The following SCHIP1 variants were observed in gnomAD, a reference collection of about 807,000 sequenced individuals.
SCHIP1 encodes the protein schwannomin interacting protein 1, also known as schwannomin-interacting protein 1.
A neutral mutation model predicts 29.7 loss-of-function variants in SCHIP1; 8 were observed. The ratio of observed to expected loss-of-function variants is 0.27; its 90% CI spans 0.16 to 0.49. The LOEUF is 0.49. Among genes scored for constraint, SCHIP1 ranks in the 20% least tolerant of loss-of-function variants. The pLI is 0.99. For synonymous variants in SCHIP1, 76 were observed against 94.9 expected (o/e 0.80, Z 1.16); for missense variants, 193 against 294.6 (o/e 0.66, Z 2.52).
chr3:159,680,599 ATATATAT>A, the SCHIP1 span, among the ~76,000 whole-genome samples: 1 of 97,362 alleles, frequency 1.0e-5, no homozygotes, highest in African/African-American at 5.1e-5. Context: ...TATATGTATA[ATATATAT>A]TATATATGTA....
chr3:159,446,855 G>A, the SCHIP1 span, among the ~76,000 whole-genome samples: 5 of 152,280 alleles, frequency 3.3e-5, no homozygotes, highest in South Asian at 1.0e-3. Context: ...AAAGTAAGGT[G>A]ACCTGTTATT....
chr3:159,544,257 T>TA, the SCHIP1 span, among the ~76,000 whole-genome samples: 2 of 152,108 alleles, frequency 1.3e-5, no homozygotes, highest in African/African-American at 2.4e-5. Flanking sequence ...GTAATCTTTT[T>TA]AAAATTTTTA....
the SCHIP1 span, among the ~76,000 whole-genome samples, chr3:159,380,526 A>T: frequency 3.3e-5 from 5 of 152,194 alleles, no homozygotes; most frequent in Admixed American, 2.0e-4. Context: ...TTATACTAGT[A>T]CCATTATTAT....
chr3:159,681,049 G>C, the SCHIP1 span, among the ~76,000 whole-genome samples: 2 of 151,932 alleles, frequency 1.3e-5, no homozygotes, highest in Non-Finnish European at 2.9e-5. Context: ...TGTATATCAA[G>C]AATTGGCTAC....
At chr3:159,701,620 C>T in the SCHIP1 span, among the ~76,000 whole-genome samples, 1 of 151,928 alleles carries the variant, frequency 6.6e-6, no homozygotes, top group Non-Finnish European at 1.5e-5. Flanking sequence ...TATATATTTT[C>T]TATATGATCT....
the SCHIP1 span, among the ~76,000 whole-genome samples, chr3:159,362,237 ACT>A: frequency 1.3e-5 from 2 of 152,144 alleles, no homozygotes; most frequent in African/African-American, 2.4e-5. Context: ...AGAGTGGCCA[ACT>A]CTGTCAAATG....
chr3:159,299,400 G>C, the SCHIP1 span, among the ~76,000 whole-genome samples: 1 of 152,126 alleles, frequency 6.6e-6, no homozygotes, highest in African/African-American at 2.4e-5. Context: ...ATTTACGACA[G>C]ACCCAGCCTC....
At chr3:159,615,943 T>G in the SCHIP1 span, among the ~76,000 whole-genome samples, 6 of 152,210 alleles carry the variant, frequency 3.9e-5, no homozygotes, top group Non-Finnish European at 7.3e-5. Flanking sequence ...TTTACTAGGA[T>G]GTAGCTTTCT....
chr3:159,839,126 G>T (rs944593114), upstream of SCHIP1, among the ~76,000 whole-genome samples: 1 of 151,868 alleles, frequency 6.6e-6, no homozygotes, highest in Non-Finnish European at 1.5e-5. Flanking sequence ...CCAGAAACAT[G>T]TATTGTCTGA....
the SCHIP1 span, among the ~76,000 whole-genome samples, chr3:159,416,072 C>T: frequency 6.6e-6 from 1 of 152,206 alleles, no homozygotes; most frequent in African/African-American, 2.4e-5. Context: ...CATAATCTAG[C>T]CCCTCCTATC....
the SCHIP1 span, among the ~76,000 whole-genome samples, chr3:159,672,008 G>A: frequency 8.1e-4 from 124 of 152,212 alleles, 1 homozygote; most frequent in South Asian, 0.02. Flanking sequence ...CATGAAAATC[G>A]CTCAAAACAA....
At chr3:159,376,970 C>T in the SCHIP1 span, among the ~76,000 whole-genome samples, 6 of 152,210 alleles carry the variant, frequency 3.9e-5, no homozygotes, top group African/African-American at 1.4e-4. Flanking sequence ...ATTTTGTAAG[C>T]TTGGATTCTC....
the SCHIP1 span, among the ~76,000 whole-genome samples, chr3:159,481,517 TA>T: frequency 6.6e-6 from 1 of 151,990 alleles, no homozygotes; most frequent in Non-Finnish European, 1.5e-5. Flanking sequence ...GGACTTACAC[TA>T]AAAAAAAGTT....
the SCHIP1 span, among the ~76,000 whole-genome samples, chr3:159,715,370 G>T: frequency 6.6e-6 from 1 of 152,204 alleles, no homozygotes; most frequent in Non-Finnish European, 1.5e-5. Context: ...CTCCTCAGCA[G>T]CAACAGAACA....
chr3:159,652,139 T>C, the SCHIP1 span, among the ~76,000 whole-genome samples: 1 of 152,152 alleles, frequency 6.6e-6, no homozygotes, highest in Non-Finnish European at 1.5e-5. Context: ...GCTTTTGCTA[T>C]ATTTGGCTCA....
chr3:159,570,479 C>A, the SCHIP1 span, among the ~76,000 whole-genome samples: 1 of 152,034 alleles, frequency 6.6e-6, no homozygotes, highest in African/African-American at 2.4e-5. Flanking sequence ...ATTTCTGAGG[C>A]CTCTGTTCTG....
the SCHIP1 span, among the ~76,000 whole-genome samples, chr3:159,364,794 A>T: frequency 6.6e-6 from 1 of 152,170 alleles, no homozygotes; most frequent in Non-Finnish European, 1.5e-5. Context: ...TCCCTGCATT[A>T]TGTGGGAATT....
At chr3:159,402,187 T>C in the SCHIP1 span, among the ~76,000 whole-genome samples, 4 of 152,158 alleles carry the variant, frequency 2.6e-5, no homozygotes, top group Admixed American at 2.0e-4. Context: ...TAAATGCTCA[T>C]CATCACTGGC....
the SCHIP1 span, among the ~76,000 whole-genome samples, chr3:159,545,620 AATAT>A: frequency 6.7e-6 from 1 of 148,848 alleles, no homozygotes; most frequent in Admixed American, 6.8e-5. Flanking sequence ...ACATATACAC[AATAT>A]ATATACAATA....
Sources: allele counts gnomAD v4.1 joint callset (sites outside exome capture counted in the v4.1 genomes callset), GRCh38; gene constraint gnomAD v4.1.1; transcripts MANE v1.5; gene names NCBI Gene and HGNC (gene_info 2026-07-23, HGNC 2026-07-21).